Variants in CDC14A observed in about 807,000 individuals in gnomAD.
CDC14A encodes the protein dual specificity protein phosphatase CDC14A.
A neutral mutation model predicts 74.4 loss-of-function variants in CDC14A; 53 were observed. That is an observed-to-expected ratio of 0.71 (90% confidence interval 0.57 to 0.89). CDC14A has a LOEUF of 0.89. CDC14A is among the 40% of genes least tolerant of loss of function. The pLI, the probability that CDC14A is intolerant of heterozygous loss-of-function variation, is 0.00. For missense variants in CDC14A, 646 were observed against 713.7 expected (o/e 0.91, Z 1.08); for synonymous variants, 247 against 258.4 (o/e 0.96, Z 0.43).
intron 2 of CDC14A, among the ~76,000 whole-genome samples, chr1:100,360,549 T>G (rs111887570): frequency 8.1e-4 from 123 of 151,712 alleles, no homozygotes; most frequent in Admixed American, 1.5e-3. Context: ...TTCACCATGT[T>G]GACCAGGCTG....
At chr1:100,462,223 TTAAAAC>T (rs1288520079) in intron 8 of CDC14A, among the ~76,000 whole-genome samples, 1 of 152,184 alleles carries the variant, frequency 6.6e-6, no homozygotes, top group African/African-American at 2.4e-5. Flanking sequence ...GTACTACAAA[TTAAAAC>T]TATACATATG....
intron 10 of CDC14A, among the ~76,000 whole-genome samples, chr1:100,473,543 C>T (rs190824858): frequency 3.3e-5 from 5 of 152,032 alleles, no homozygotes; most frequent in East Asian, 1.9e-4. Context: ...TGTGCCACCA[C>T]GCCCGGCTAA....
chr1:100,362,912 G>A (rs1652960633), intron 2 of CDC14A, among the ~76,000 whole-genome samples: 1 of 152,172 alleles, frequency 6.6e-6, no homozygotes, highest in Non-Finnish European at 1.5e-5. Flanking sequence ...GCAGAAGAAA[G>A]GACAGAGGAG....
At position 100,398,573 on chromosome 1, in the gene CDC14A, G is replaced by A. The variant is rs114277947; in HGVS notation, c.309+7749G>A. Among the ~76,000 whole-genome samples, 902 of 152,218 alleles carry A rather than the reference G, an allele frequency of 5.9e-3. 10 individuals are homozygous for A. Among genetic ancestry groups the A allele is most frequent in the African/African-American group, 0.021 (861 of 41,532 alleles). ...GTATTCATTAGTTCAGTAAATCTTT[G>A]TTTAGCTACTATGAGCCCTTCCTAG... is the stretch of plus-strand genomic sequence containing the variant. On this transcript the variant is annotated intron_variant, in intron 4 of 15. Transcript: ENST00000336454.
intron 11 of CDC14A, among the ~76,000 whole-genome samples, chr1:100,487,804 CCTG>C (rs2101379145): frequency 6.6e-6 from 1 of 152,260 alleles, no homozygotes; most frequent in Non-Finnish European, 1.5e-5. Flanking sequence ...CACAGCCCAT[CCTG>C]TGGGTCTAGG....
intron 5 of CDC14A, among the ~76,000 whole-genome samples, chr1:100,434,435 G>A (rs1290979988): frequency 1.1e-4 from 17 of 152,172 alleles, no homozygotes. Flanking sequence ...TGAGAGCAAT[G>A]GGAAGTCAGT....
chr1:100,490,027 G>A (rs956541833), intron 11 of CDC14A, among the ~76,000 whole-genome samples: 9 of 152,200 alleles, frequency 5.9e-5, no homozygotes, highest in Non-Finnish European at 1.2e-4. Flanking sequence ...GTATAAGGAA[G>A]GAGGCCTAAC....
chr1:100,491,876 AC>A (rs1189329224), intron 11 of CDC14A, among the ~76,000 whole-genome samples: 1 of 13,068 alleles, frequency 7.7e-5, no homozygotes, highest in East Asian at 2.3e-3. Flanking sequence ...CTAGCCAGAT[AC>A]CTTTTTTTGA....
chr1:100,416,750 G>C (rs912291431), intron 4 of CDC14A, among the ~76,000 whole-genome samples: 1 of 152,170 alleles, frequency 6.6e-6, no homozygotes, highest in East Asian at 1.9e-4. Flanking sequence ...CTATGTGCTA[G>C]ATATAATTTT....
At position 100,474,692 on chromosome 1, in the gene CDC14A, G is replaced by A. The variant is rs547028827; in HGVS notation, c.977+6598G>A. On this transcript the variant is annotated intron_variant, in intron 10 of 15. Coordinates refer to ENST00000336454, the MANE Select transcript of CDC14A (RefSeq NM_003672.4). ...TTCATTTCTGATGTTAGTAATTTGTGTATTTTTTTTTCCCTTTGTCAGTCT... is the reference window on the plus strand; with the variant it reads ...TTCATTTCTGATGTTAGTAATTTGTATATTTTTTTTTCCCTTTGTCAGTCT... 1.4e-4 allele frequency among the ~76,000 whole-genome samples: 20 copies of A among 147,756 alleles called. No homozygotes were observed. The South Asian group carries it at 1.5e-3, about 11-fold the overall frequency.
At chr1:100,425,271 T>A (rs1662824757) in intron 5 of CDC14A, among the ~76,000 whole-genome samples, 1 of 152,144 alleles carries the variant, frequency 6.6e-6, no homozygotes, top group Non-Finnish European at 1.5e-5. Flanking sequence ...TATTTTTGCC[T>A]TTTTTGCTTG....
intron 5 of CDC14A, among the ~76,000 whole-genome samples, chr1:100,429,777 A>G (rs555175658): frequency 2.7e-5 from 4 of 147,854 alleles, no homozygotes; most frequent in Non-Finnish European, 3.0e-5. Context: ...TCAAGTGTGT[A>G]TATATATATA....
intron 4 of CDC14A, among the ~76,000 whole-genome samples, chr1:100,413,036 G>A (rs1026995069): frequency 3.3e-5 from 5 of 151,278 alleles, no homozygotes; most frequent in Non-Finnish European, 7.4e-5. Context: ...CAGCCTGGGT[G>A]ACAAGAGCGA....
chr1:100,489,582 G>GTTTTTTTTTTTTT lies in CDC14A; in HGVS notation c.1137+5143_1137+5144insTTTTTTTTTTTTT, dbSNP rs5776511. ...GTTCTTTCACTAGGTCATCACTCAT[G>GTTTTTTTTTTTTT]TTTTTTTTTTTTAATTGTACTTCTT... On this transcript the variant is annotated intron_variant, in intron 11 of 15. Transcript: ENST00000336454. Among the ~76,000 whole-genome samples the GTTTTTTTTTTTTT allele has an allele frequency of 2.0e-4, 30 of 146,800 alleles. 1 individual carries two copies. Among genetic ancestry groups the GTTTTTTTTTTTTT allele is most frequent in the African/African-American group, 6.0e-4 (24 of 39,854 alleles).
intron 3 of CDC14A, among the ~76,000 whole-genome samples, chr1:100,389,258 G>C (rs1238369264): frequency 6.7e-6 from 1 of 150,230 alleles, no homozygotes; most frequent in Non-Finnish European, 1.5e-5. Context: ...AGGAGTTCGA[G>C]ACCAGCCTGG....
At chr1:100,405,284 A>G (rs1406828387) in intron 4 of CDC14A, among the ~76,000 whole-genome samples, 2 of 152,236 alleles carry the variant, frequency 1.3e-5, no homozygotes, top group Admixed American at 6.5e-5. Flanking sequence ...TGCACATAAT[A>G]TGATCTACTA....
intron 4 of CDC14A, among the ~76,000 whole-genome samples, chr1:100,392,457 CT>C (rs78802981): frequency 1.5e-3 from 218 of 142,972 alleles, no homozygotes; most frequent in Non-Finnish European, 1.1e-3. Flanking sequence ...GCACGTCTTT[CT>C]TTTTTTTTTT....
intron 4 of CDC14A, among the ~76,000 whole-genome samples, chr1:100,412,750 ATATT>A (rs1476443935): frequency 6.2e-5 from 7 of 112,324 alleles, no homozygotes; most frequent in African/African-American, 3.1e-4. Context: ...TTATATATAT[ATATT>A]TTATATATAT....
At chr1:100,351,019 C>T (rs928838558), upstream of CDC14A, among the ~76,000 whole-genome samples, 1 of 152,094 alleles carries the variant, frequency 6.6e-6, no homozygotes, top group Non-Finnish European at 1.5e-5. Flanking sequence ...CATGGCAAAA[C>T]CCGGTCTCTA....
Sources: allele counts gnomAD v4.1 joint callset (sites outside exome capture counted in the v4.1 genomes callset), GRCh38; gene constraint gnomAD v4.1.1; transcripts MANE v1.5; gene names NCBI Gene and HGNC (gene_info 2026-07-23, HGNC 2026-07-21).